Variants in EVC2 observed in about 807,000 individuals in gnomAD.
EVC2 encodes the protein limbin.
EVC2 carries 148 observed loss-of-function variants against 149.3 expected under a neutral mutation model. The ratio of observed to expected loss-of-function variants is 0.99; its 90% CI spans 0.87 to 1.14. The LOEUF (loss-of-function observed/expected upper bound fraction) is 1.14. Among genes scored for constraint, EVC2 ranks in the 50% most tolerant of loss-of-function variants. EVC2 has a pLI of 0.00. For missense variants in EVC2, 1,854 were observed against 1,627.3 expected (o/e 1.14, Z -2.40); for synonymous variants, 776 against 649.9 (o/e 1.19, Z -2.95).
chr4:5,689,971 C>T (rs1236203382), intron 4 of EVC2, among the ~76,000 whole-genome samples: 1 of 152,166 alleles, frequency 6.6e-6, no homozygotes, highest in Non-Finnish European at 1.5e-5. Flanking sequence ...GAAATACATG[C>T]AGGAGCCAGA....
At chr4:5,591,932 C>T (rs1372760755) in intron 16 of EVC2, among the ~76,000 whole-genome samples, 2 of 152,154 alleles carry the variant, frequency 1.3e-5, no homozygotes, top group African/African-American at 4.8e-5. Flanking sequence ...TTTTCCCTGA[C>T]AACATGTGGA....
intron 19 of EVC2, among the ~76,000 whole-genome samples, chr4:5,574,280 G>A (rs1271908920): frequency 1.3e-5 from 2 of 152,176 alleles, no homozygotes; most frequent in Admixed American, 6.5e-5. Context: ...GATGAGAAAG[G>A]TTGGCTGATC....
chr4:5,629,375 G>A (rs1204844979), intron 11 of EVC2, among the ~76,000 whole-genome samples: 2 of 152,174 alleles, frequency 1.3e-5, no homozygotes, highest in African/African-American at 4.8e-5. Flanking sequence ...GTCCACATCA[G>A]ACAAATGGCT....
At chr4:5,666,609 A>G (rs1401958684) in intron 7 of EVC2, among the ~76,000 whole-genome samples, 1 of 152,068 alleles carries the variant, frequency 6.6e-6, no homozygotes, top group Non-Finnish European at 1.5e-5. Flanking sequence ...CTTTTTCTTA[A>G]AGTCATCATT....
At position 5,613,116 on chromosome 4, in the gene EVC2, C is replaced by T. The variant is rs1022664774; in HGVS notation, c.2829+2306G>A. Among the ~76,000 whole-genome samples, 4 of 152,030 alleles carry T rather than the reference C, an allele frequency of 2.6e-5. No homozygotes were observed. The highest frequency in any genetic ancestry group is 5.9e-5 in the Non-Finnish European group (4 of 68,014). ...TCACCTTCTCACTCAGACATTCATC[C>T]TGTGACTCTGCTCCAAGGGTGCTGG... On this transcript the variant is annotated intron_variant, in intron 16 of 21. Coordinates refer to ENST00000344408, the MANE Select transcript of EVC2 (RefSeq NM_147127.5). The surrounding 1 kb of genome is among the most constrained non-coding windows in gnomAD (Gnocchi z 4.6).
chr4:5,657,503 G>A lies in EVC2; in HGVS notation c.1145+5604C>T, dbSNP rs1030768522. On this transcript the variant is annotated intron_variant, in intron 9 of 21. Transcript: ENST00000344408. The surrounding 1 kb of genome is among the most constrained non-coding windows in gnomAD (Gnocchi z 4.7). ...ATCACATCTGGAAACATGTTGTGTT[G>A]TCTTCTGGTTTGAGTAATGCTGCAC... Among the ~76,000 whole-genome samples, 5 of 152,040 alleles carry A rather than the reference G, an allele frequency of 3.3e-5. No homozygotes were observed. Among genetic ancestry groups the A allele is most frequent in the African/African-American group, 1.2e-4 (5 of 41,408 alleles).
chr4:5,548,567 G>T (rs187363931), intron 21 of EVC2, among the ~76,000 whole-genome samples: 1 of 151,950 alleles, frequency 6.6e-6, no homozygotes, highest in African/African-American at 2.4e-5. Context: ...GATGCAGAGA[G>T]TGTCTGCAGA....
At chr4:5,610,458 C>T (rs1714725991) in intron 16 of EVC2, among the ~76,000 whole-genome samples, 1 of 152,188 alleles carries the variant, frequency 6.6e-6, no homozygotes. Context: ...CCTTGGAGAG[C>T]AACAACTGGC....
At chr4:5,607,041 T>C (rs1372342936) in intron 16 of EVC2, among the ~76,000 whole-genome samples, 1 of 152,130 alleles carries the variant, frequency 6.6e-6, no homozygotes, top group Non-Finnish European at 1.5e-5. Context: ...CATTGAATAA[T>C]CTAAAACATA....
downstream of EVC2, among the ~76,000 whole-genome samples, chr4:5,561,129 C>T (rs963622670): frequency 2.6e-5 from 4 of 152,192 alleles, no homozygotes; most frequent in African/African-American, 9.6e-5. Context: ...CTACTTTCAA[C>T]TATGCATAAT....
At chr4:5,638,095 TA>T (rs199861159) in intron 10 of EVC2, among the ~76,000 whole-genome samples, 3 of 150,824 alleles carry the variant, frequency 2.0e-5, no homozygotes, top group African/African-American at 4.9e-5. Context: ...CGTTTAAAGG[TA>T]AAAAAAAATT....
At chr4:5,675,118 T>C (rs533814295) in intron 7 of EVC2, among the ~76,000 whole-genome samples, 36 of 152,302 alleles carry the variant, frequency 2.4e-4, no homozygotes, top group African/African-American at 7.9e-4. Flanking sequence ...TGGCATTCCA[T>C]CTCTTATAAA....
chr4:5,675,668 G>A (rs889654515), intron 7 of EVC2, among the ~76,000 whole-genome samples: 3 of 152,050 alleles, frequency 2.0e-5, no homozygotes, highest in African/African-American at 7.2e-5. Flanking sequence ...TTGGAGCCTG[G>A]GTGCGGTGGC....
chr4:5,630,970 G>T (rs1716489733), intron 11 of EVC2, among the ~76,000 whole-genome samples: 1 of 152,220 alleles, frequency 6.6e-6, no homozygotes, highest in Admixed American at 6.5e-5. Context: ...TTCTTGTAAA[G>T]CAGTGATGTC....
intron 4 of EVC2, 144 bp downstream of exon 4, chr4:5,691,121 T>C (rs1560229964): frequency 4.3e-6 from 3 of 701,608 alleles, no homozygotes; most frequent in South Asian, 3.4e-5. Context: ...TCACAGACCT[T>C]GCTATTTGTT....
Position 5,625,673 on chromosome 4 carries a change from C to A in EVC2, c.2046+76G>T. The A allele has an allele frequency of 6.3e-7, 1 of 1,591,620 alleles. No homozygotes were observed. The highest frequency in any genetic ancestry group is 8.6e-7 in the Non-Finnish European group (1 of 1,163,802). ...GATCCTAGTTCACCAATGGCAATGT[C>A]TGGCACAGTACCTGGCACTTGATGG... On this transcript the variant is annotated intron_variant, in intron 13 of 21. Coordinates refer to ENST00000344408, the MANE Select transcript of EVC2 (RefSeq NM_147127.5). The surrounding 1 kb of genome is among the most constrained non-coding windows in gnomAD (Gnocchi z 4.0).
chr4:5,664,126 C>T (rs2108897498), intron 8 of EVC2, among the ~76,000 whole-genome samples: 1 of 152,274 alleles, frequency 6.6e-6, no homozygotes, highest in South Asian at 2.1e-4. Flanking sequence ...TTTGTGTTAT[C>T]ATGAAGCTGT....
At chr4:5,554,912 A>G (rs1721806254) in intron 21 of EVC2, among the ~76,000 whole-genome samples, 1 of 152,250 alleles carries the variant, frequency 6.6e-6, no homozygotes, top group African/African-American at 2.4e-5. Context: ...CAAATGCACT[A>G]TATGGCTCAG....
the EVC2 span, among the ~76,000 whole-genome samples, chr4:5,532,552 G>A: frequency 8.5e-5 from 13 of 152,256 alleles, no homozygotes; most frequent in South Asian, 2.3e-3. Context: ...ACGGAACTGG[G>A]AGCCTCTGTT....
Sources: allele counts gnomAD v4.1 joint callset (sites outside exome capture counted in the v4.1 genomes callset), GRCh38; gene constraint gnomAD v4.1.1; non-coding constraint Gnocchi (gnomAD v3.1); transcripts MANE v1.5; gene names NCBI Gene and HGNC (gene_info 2026-07-23, HGNC 2026-07-21).